The following POU5F2 variants were observed in gnomAD, a reference collection of about 807,000 sequenced individuals.
POU5F2 encodes POU domain, class 5, transcription factor 2.
For synonymous variants in POU5F2, 191 were observed against 178.7 expected, an observed-to-expected ratio of 1.07 and a Z score of -0.55; for missense variants, 401 against 426.6, an observed-to-expected ratio of 0.94 and a Z score of 0.53.
Position 93,741,048 on chromosome 5 carries a change from T to A in POU5F2, c.516A>T (p.Leu172=), listed in dbSNP as rs1438928721. 1 of 1,613,898 alleles carries A rather than the reference T, an allele frequency of 6.2e-7. No individual in the cohort carries two copies. Among genetic ancestry groups the A allele is most frequent in the South Asian group, 1.1e-5 (1 of 91,084 alleles). The change falls in exon 1 of 1, where the codon CTA becomes CTT. Residue 172 remains leucine, a synonymous_variant. Coordinates refer to ENST00000606183, the MANE Select transcript of POU5F2 (RefSeq NM_153216.2). ...GCAGCTTCCACATGTTGGCGACGCT[T>A]AGCTGCTGGGCCTCGAAGCGGCAGA... ...TTICRFEAQQ[L]SVANMWKLRP...
Position 93,734,481 on chromosome 5 carries a change from A to C in POU5F2, c.*6096T>G, listed in dbSNP as rs2149574959. The stretch of plus-strand genomic sequence containing the variant: ...TGATGAAGGCTATGAACCATCTTTA[A>C]AGAAAATGCACATATGTACAAAAAC... On this transcript the variant is annotated 3_prime_UTR_variant, in exon 1 of 1. Transcript: ENST00000606183. 1 of 152,328 alleles carries C rather than the reference A, an allele frequency of 6.6e-6. No individual in the cohort carries two copies. The highest frequency in any genetic ancestry group is 1.5e-5 in the Non-Finnish European group (1 of 68,028). 9.4% of individuals were successfully genotyped at this position (152,328 alleles called of 1,614,324 possible).
rs912297001 is a variant in POU5F2, at chr5:93,733,542, A to G, written c.*7035T>C. On this transcript the variant is annotated 3_prime_UTR_variant, in exon 1 of 1. Coordinates refer to ENST00000606183, the MANE Select transcript of POU5F2 (RefSeq NM_153216.2). ...ATAAAAATTCTTAAAAGTTGAAATGATGGGCCAATGGAAATGCACATTTTA... is the reference window on the plus strand; with the variant it reads ...ATAAAAATTCTTAAAAGTTGAAATGGTGGGCCAATGGAAATGCACATTTTA... The G allele has an allele frequency of 1.3e-5, 2 of 152,158 alleles. No homozygotes were observed. Among genetic ancestry groups the G allele is most frequent in the Non-Finnish European group, 2.9e-5 (2 of 68,022 alleles). 9.4% of individuals were successfully genotyped at this position (152,158 alleles called of 1,614,324 possible). A position where few individuals can be genotyped will look rare whatever the true frequency, so the allele number is the denominator to read the frequency against.
chr5:93,735,364 AG>A lies in POU5F2; in HGVS notation c.*5212del. 1.3e-5 allele frequency: 2 copies of A among 152,312 alleles called. No homozygotes were observed. Among genetic ancestry groups the A allele is most frequent in the East Asian group, 3.9e-4 (2 of 5,170 alleles). 9.4% of individuals were successfully genotyped at this position (152,312 alleles called of 1,614,324 possible). A position where few individuals can be genotyped will look rare whatever the true frequency, so the allele number is the denominator to read the frequency against. On this transcript the variant is annotated 3_prime_UTR_variant, in exon 1 of 1. Transcript: ENST00000606183. ...ACACATAGAGGCTTTGCCTAAGCAG[AG>A]GTGGGGCAGCTGTGTCAATGATGCA...
At position 93,740,354 on chromosome 5, in the gene POU5F2, G is replaced by A; in HGVS notation, c.*223C>T. ...AATGTACCTTTAAACCAATGCTAGG[G>A]AAAAACAAAGGGAAAACACAAAACT... On this transcript the variant is annotated 3_prime_UTR_variant, in exon 1 of 1. Coordinates refer to ENST00000606183, the MANE Select transcript of POU5F2 (RefSeq NM_153216.2). 1.9e-6 allele frequency: 1 copy of A among 532,390 alleles called. No homozygotes were observed. Among genetic ancestry groups the A allele is most frequent in the Non-Finnish European group, 3.3e-6 (1 of 303,236 alleles). 33.0% of individuals were successfully genotyped at this position (532,390 alleles called of 1,614,324 possible).
chr5:93,740,874 C>T lies in POU5F2; in HGVS notation c.690G>A (p.Gln230=), dbSNP rs552948117. The part of the protein sequence containing the change: ...RIGNSLEKFF[Q]RCPKPTPQQI... ...GCTGGGGTGTGGGCTTAGGGCACCGCTGGAAGAATTTCTCCAGGCTGTTTC... is the reference window on the plus strand; with the variant it reads ...GCTGGGGTGTGGGCTTAGGGCACCGTTGGAAGAATTTCTCCAGGCTGTTTC... The change falls in exon 1 of 1, where the codon CAG becomes CAA. Residue 230 remains glutamine, a synonymous_variant. Transcript: ENST00000606183. 17 of 1,613,994 alleles carry T rather than the reference C, an allele frequency of 1.1e-5. No homozygotes were observed. The highest frequency in any genetic ancestry group is 1.4e-5 in the Non-Finnish European group (17 of 1,179,886).
Position 93,736,942 on chromosome 5 carries a change from C to T in POU5F2, c.*3635G>A, listed in dbSNP as rs1258605662. 2 of 152,104 alleles carry T rather than the reference C, an allele frequency of 1.3e-5. No homozygotes were observed. Among genetic ancestry groups the T allele is most frequent in the African/African-American group, 4.8e-5 (2 of 41,422 alleles). 9.4% of individuals were successfully genotyped at this position (152,104 alleles called of 1,614,324 possible). A position where few individuals can be genotyped will look rare whatever the true frequency, so the allele number is the denominator to read the frequency against. ...TACTTTTATACAACACAGTACTACA[C>T]ATTTTTGCCAGAGCAAGTGAGTAAG... On this transcript the variant is annotated 3_prime_UTR_variant, in exon 1 of 1. Transcript: ENST00000606183.
In POU5F2 at chr5:93,739,121, C is replaced by G. The variant is rs1747837278; in HGVS notation, c.*1456G>C. 6.6e-6 allele frequency: 1 copy of G among 152,146 alleles called. No homozygotes were observed. The highest frequency in any genetic ancestry group is 1.5e-5 in the Non-Finnish European group (1 of 68,066). 9.4% of individuals were successfully genotyped at this position (152,146 alleles called of 1,614,324 possible). On this transcript the variant is annotated 3_prime_UTR_variant, in exon 1 of 1. Transcript: ENST00000606183. ...GACCTTGTGATCTGCCTGCCTTGGT[C>G]TCCCAAAGTGCTGGGATTACAGGCA... is the stretch of plus-strand genomic sequence containing the variant.
At position 93,739,229 on chromosome 5, in the gene POU5F2, T is replaced by C. The variant is rs1390982566; in HGVS notation, c.*1348A>G. On this transcript the variant is annotated 3_prime_UTR_variant, in exon 1 of 1. Coordinates refer to ENST00000606183, the MANE Select transcript of POU5F2 (RefSeq NM_153216.2). ...TTGGGCCCACAAGAGTTATTCTCTA[T>C]ACAGCCACCAGAAAAAAAAAGAAAG... 2.0e-5 allele frequency: 3 copies of C among 151,504 alleles called. No individual in the cohort carries two copies. In the East Asian group the frequency reaches 5.9e-4, roughly 30 times the overall value. 9.4% of individuals were successfully genotyped at this position (151,504 alleles called of 1,614,324 possible). A position where few individuals can be genotyped will look rare whatever the true frequency, so the allele number is the denominator to read the frequency against.
Position 93,741,398 on chromosome 5 carries a change from G to A in POU5F2, c.166C>T (p.Pro56Ser). 1 of 1,613,302 alleles carries A rather than the reference G, an allele frequency of 6.2e-7. No individual in the cohort carries two copies. The highest frequency in any genetic ancestry group is 8.5e-7 in the Non-Finnish European group (1 of 1,179,746). Residue 56 changes from proline to serine, a missense_variant, in exon 1 of 1, where the codon CCA becomes TCA. Transcript: ENST00000606183. ...GGAATCCTCCACACGTCAGGGCCTG[G>A]GCAGATCCCTGGCCTGACTGCCGGC... is the stretch of plus-strand genomic sequence containing the variant. ...VWPAVRPGIC[P>S]GPDVWRIPLG...
rs1348370761 is a variant in POU5F2, at chr5:93,737,286, GA to G, written c.*3290del. On this transcript the variant is annotated 3_prime_UTR_variant, in exon 1 of 1. Transcript: ENST00000606183. ...TAAAACACTGCTCAAAGAAATTAAA[GA>G]AGACATAAGTGGAAAGACAGCCTGT... 1 of 152,124 alleles carries G rather than the reference GA, an allele frequency of 6.6e-6. No homozygotes were observed. The highest frequency in any genetic ancestry group is 1.5e-5 in the Non-Finnish European group (1 of 68,006). The allele number at this position is 152,124 out of a possible 1,614,324, so 9.4% of individuals were successfully genotyped here.
rs992074496 is a variant in POU5F2, at chr5:93,734,169, A to G, written c.*6408T>C. 11 of 152,202 alleles carry G rather than the reference A, an allele frequency of 7.2e-5. No homozygotes were observed. The highest frequency in any genetic ancestry group is 2.7e-4 in the African/African-American group (11 of 41,468). The allele number at this position is 152,202 out of a possible 1,614,324, so 9.4% of individuals were successfully genotyped here. A position where few individuals can be genotyped will look rare whatever the true frequency, so the allele number is the denominator to read the frequency against. On this transcript the variant is annotated 3_prime_UTR_variant, in exon 1 of 1. Coordinates refer to ENST00000606183, the MANE Select transcript of POU5F2 (RefSeq NM_153216.2). ...AAGAGAAATTGTTCCTTATGATAAG[A>G]TTTTAATTAAAGTGCCAAGGATTGA...
rs1167158784 is a variant in POU5F2 at position 93,737,843 on chromosome 5, G to A, written c.*2734C>T. ...CCGTATACAAAAATTAACTTGAAAT[G>A]GATCAAAGTCCTAAATTTAATAAAT... On this transcript the variant is annotated 3_prime_UTR_variant, in exon 1 of 1. Transcript: ENST00000606183. 1 of 415,000 alleles carries A rather than the reference G, an allele frequency of 2.4e-6. No individual in the cohort carries two copies. Among genetic ancestry groups the A allele is most frequent in the Admixed American group, 3.1e-5 (1 of 32,530 alleles). 25.7% of individuals were successfully genotyped at this position (415,000 alleles called of 1,614,324 possible).
In POU5F2 at chr5:93,741,438, G is replaced by A. The variant is rs774272055; in HGVS notation, c.126C>T (p.Gly42=). The A allele has an allele frequency of 1.2e-6, 2 of 1,613,454 alleles. No homozygotes were observed. Among genetic ancestry groups the A allele is most frequent in the Non-Finnish European group, 1.7e-6 (2 of 1,179,788 alleles). Residue 42 remains glycine, a synonymous_variant, in exon 1 of 1, where the codon GGC becomes GGT. Transcript: ENST00000606183. ...LTWLSTQAAP[G]RVMVWPAVRP... is the part of the protein sequence containing the mutation. ...TGACTGCCGGCCAGACCATCACCCT[G>A]CCAGGGGCCGCCTGGGTGCTCAACC...
rs60935235 is a variant in POU5F2, at chr5:93,739,996, G to GAAAAAAAA, written c.*573_*580dup. On this transcript the variant is annotated 3_prime_UTR_variant, in exon 1 of 1. Coordinates refer to ENST00000606183, the MANE Select transcript of POU5F2 (RefSeq NM_153216.2). ...GCACCAGAAATGAAAAGGTAAATCA[G>GAAAAAAAA]AAAAAAAAAAAAAAAAAAAAATCTT... is the stretch of plus-strand genomic sequence containing the variant. 1.6e-5 allele frequency: 1 copy of GAAAAAAAA among 62,906 alleles called. No homozygotes were observed. Among genetic ancestry groups the GAAAAAAAA allele is most frequent in the African/African-American group, 4.6e-5 (1 of 21,852 alleles). 3.9% of individuals were successfully genotyped at this position (62,906 alleles called of 1,614,324 possible). A position where few individuals can be genotyped will look rare whatever the true frequency, so the allele number is the denominator to read the frequency against.
rs1239355007 is a variant in POU5F2, at chr5:93,740,633, CAGAGTAGAGACGTGT to C, written c.916_930del (p.Thr306_Ser310del). 4 of 1,611,062 alleles carry C rather than the reference CAGAGTAGAGACGTGT, an allele frequency of 2.5e-6. No individual in the cohort carries two copies. In the African/African-American group the frequency reaches 4.0e-5, roughly 16 times the overall value. The stretch of plus-strand genomic sequence containing the variant: ...GGGGCAGAGGAGTGGGCTACCCCTG[CAGAGTAGAGACGTGT>C]ATAGTGGGGGATATCCACTGGGAGC... On this transcript the variant is annotated inframe_deletion, in exon 1 of 1. Coordinates refer to ENST00000606183, the MANE Select transcript of POU5F2 (RefSeq NM_153216.2).
chr5:93,741,367 C>A lies in POU5F2; in HGVS notation c.197G>T (p.Gly66Val). 5 of 1,611,654 alleles carry A rather than the reference C, an allele frequency of 3.1e-6. No individual in the cohort carries two copies. Among genetic ancestry groups the A allele is most frequent in the Non-Finnish European group, 4.2e-6 (5 of 1,178,668 alleles). ...PGPDVWRIPL[G>V]PLPHEFRGWI... ...GCCCCGGAATTCGTGTGGCAGGGGA[C>A]CCAGGGGAATCCTCCACACGTCAGG... The change falls in exon 1 of 1, where the codon GGT becomes GTT. Residue 66 changes from glycine (G) to valine (V), a missense_variant. Coordinates refer to ENST00000606183, the MANE Select transcript of POU5F2 (RefSeq NM_153216.2).
chr5:93,741,206 A>G lies in POU5F2; in HGVS notation c.358T>C (p.Ser120Pro), dbSNP rs528799392. ...IPKLPPPEDISGILKELQQLA... is the reference protein window; with the variant it reads ...IPKLPPPEDIPGILKELQQLA... The stretch of plus-strand genomic sequence containing the variant: ...TGCTGCAACTCTTTCAGTATGCCCG[A>G]GATGTCCTCTGGCGGCGGCAACTTC... Residue 120 changes from serine to proline, a missense_variant, in exon 1 of 1, where the codon TCG (serine) becomes CCG (proline). By Grantham distance (74) the Ser-to-Pro change is moderately conservative. Coordinates refer to ENST00000606183, the MANE Select transcript of POU5F2 (RefSeq NM_153216.2). 4 of 1,613,864 alleles carry G rather than the reference A, an allele frequency of 2.5e-6. 1 individual carries two copies. In the Admixed American group the frequency reaches 6.7e-5, roughly 27 times the overall value.
Position 93,738,006 on chromosome 5 carries a change from AG to A in POU5F2, c.*2570del. ...AAAATTAAAGTCTGTCTGCATCAAAAGATACAGTCAAAAGAGTAAAAGGACA... is the reference window on the plus strand; with the variant it reads ...AAAATTAAAGTCTGTCTGCATCAAAAATACAGTCAAAAGAGTAAAAGGACA... On this transcript the variant is annotated 3_prime_UTR_variant, in exon 1 of 1. Transcript: ENST00000606183. 2 of 415,416 alleles carry A rather than the reference AG, an allele frequency of 4.8e-6. No homozygotes were observed. The highest frequency in any genetic ancestry group is 3.6e-5 in the South Asian group (2 of 55,670). The allele number at this position is 415,416 out of a possible 1,614,324, so 25.7% of individuals were successfully genotyped here.
rs1490795213 is a variant in POU5F2, at chr5:93,741,283, C to T, written c.281G>A (p.Arg94His). The T allele has an allele frequency of 4.3e-6, 7 of 1,613,608 alleles. No individual in the cohort carries two copies. The highest frequency in any genetic ancestry group is 4.0e-5 in the African/African-American group (3 of 74,942). ...CCCCGGGAGGGCGCCTTCGGAGGGGCGTCGCAACCAGTCCCCTGCCTCACT... is the reference window on the plus strand; with the variant it reads ...CCCCGGGAGGGCGCCTTCGGAGGGGTGTCGCAACCAGTCCCCTGCCTCACT... The part of the protein sequence containing the change: ...GASEAGDWLR[R>H]PSEGALPGPY... The change falls in exon 1 of 1, where the codon CGC becomes CAC. Residue 94 changes from arginine (R) to histidine (H), a missense_variant. Physicochemically the swap from Arg to His is conservative, Grantham distance 29. Coordinates refer to ENST00000606183, the MANE Select transcript of POU5F2 (RefSeq NM_153216.2).
Sources: gnomAD v4.1 joint callset for allele counts on GRCh38, gnomAD v4.1.1 for gene constraint, MANE v1.5 for transcripts, NCBI Gene and HGNC (gene_info 2026-07-23, HGNC 2026-07-21) for gene names.